TDP1: variants seen among roughly 807,000 people sequenced by gnomAD.
TDP1 encodes the protein tyrosyl-DNA phosphodiesterase 1.
In TDP1, 64 loss-of-function variants were observed where a neutral mutation model predicts 81.5. The observed-to-expected ratio is 0.79, with a 90% CI of 0.64 to 0.97. The LOEUF (loss-of-function observed/expected upper bound fraction) is 0.97. Ranked by LOEUF, TDP1 falls within the 50% of genes least tolerant of loss-of-function variation. The probability of loss-of-function intolerance (pLI) is 0.00; values close to 1 mark genes in which losing one functional copy is unlikely to be tolerated. For missense variants in TDP1, 723 were observed against 743.8 expected (o/e 0.97, Z 0.33); for synonymous variants, 256 against 264.3 (o/e 0.97, Z 0.30).
At chr14:89,986,333 G>T (rs1055588064) in intron 10 of TDP1, among the ~76,000 whole-genome samples, 2 of 152,150 alleles carry the variant, frequency 1.3e-5, no homozygotes, top group African/African-American at 2.4e-5. Flanking sequence ...ACATACATCG[G>T]TTGTCATCTA....
At position 89,971,156 on chromosome 14, in the gene TDP1, A is replaced by G. The variant is rs1893593919; in HGVS notation, c.660-19A>G. On this transcript the variant is annotated intron_variant, in intron 5 of 16. Coordinates refer to ENST00000335725, the MANE Select transcript of TDP1 (RefSeq NM_018319.4). ...TGGCCATGAATGATGTATATTAAAT[A>G]CTAATGCTCTCTTTTTAGGAAGAAG... is the stretch of plus-strand genomic sequence containing the variant. 1 of 1,604,878 alleles carries G rather than the reference A, an allele frequency of 6.2e-7. No homozygotes were observed. The highest frequency in any genetic ancestry group is 8.5e-7 in the Non-Finnish European group (1 of 1,172,180).
chr14:89,987,614 GT>G (rs1895711703), intron 10 of TDP1, among the ~76,000 whole-genome samples: 1 of 152,060 alleles, frequency 6.6e-6, no homozygotes, highest in African/African-American at 2.4e-5. Flanking sequence ...GCAGAACTAG[GT>G]TGTAAAGATG....
At chr14:90,032,402 GGAT>G (rs932649689) in intron 15 of TDP1, among the ~76,000 whole-genome samples, 4 of 152,034 alleles carry the variant, frequency 2.6e-5, no homozygotes, top group South Asian at 2.1e-4. Flanking sequence ...CAGAATGCCA[GGAT>G]GATCCACGAA....
At chr14:89,976,304 G>A (rs544455566) in intron 7 of TDP1, among the ~76,000 whole-genome samples, 1 of 151,768 alleles carries the variant, frequency 6.6e-6, no homozygotes, top group Admixed American at 6.6e-5. Context: ...CTCACTTTGT[G>A]ACCCAGGCTG....
chr14:89,966,894 G>A (rs1893006115), intron 4 of TDP1: 1 of 679,442 alleles, frequency 1.5e-6, no homozygotes, highest in Admixed American at 6.3e-5. Flanking sequence ...GAAGCCTAGT[G>A]AATGTCTGGT....
chr14:90,001,960 G>T (rs1046788940), intron 14 of TDP1, among the ~76,000 whole-genome samples: 1 of 152,034 alleles, frequency 6.6e-6, no homozygotes, highest in Non-Finnish European at 1.5e-5. Context: ...GGTGAGCAAG[G>T]TGCCTGATCT....
rs1399775521 is a variant in TDP1 at position 90,015,939 on chromosome 14, C to T, written c.1542-3377C>T. ...CGGTAATGGTCAACTTGTCTACCCT[C>T]AACCACAATTTCCAGAATTCCCTTT... On this transcript the variant is annotated intron_variant, in intron 14 of 16. Coordinates refer to ENST00000335725, the MANE Select transcript of TDP1 (RefSeq NM_018319.4). Among the ~76,000 whole-genome samples the T allele has an allele frequency of 3.9e-5, 6 of 152,302 alleles. No individual in the cohort carries two copies. In the East Asian group the frequency reaches 9.6e-4, roughly 24 times the overall value.
intron 15 of TDP1, among the ~76,000 whole-genome samples, chr14:90,030,356 C>T (rs1460476542): frequency 6.6e-6 from 1 of 152,206 alleles, no homozygotes; most frequent in Non-Finnish European, 1.5e-5. Context: ...TATCATCTCT[C>T]TGTTTATTAA....
intron 14 of TDP1, among the ~76,000 whole-genome samples, chr14:90,016,932 A>C (rs1205697680): frequency 6.6e-6 from 1 of 152,180 alleles, no homozygotes; most frequent in Admixed American, 6.5e-5. Context: ...TTTAGTGATG[A>C]AGCATCACTC....
chr14:90,019,281 C>G (rs757151054), intron 14 of TDP1, 35 bp from the exon 15 acceptor site: 13 of 1,451,322 alleles, frequency 9.0e-6, no homozygotes, highest in Admixed American at 1.7e-5. Flanking sequence ...AGATGCCTCC[C>G]TGAGTCAGCC....
intron 14 of TDP1, among the ~76,000 whole-genome samples, chr14:89,998,103 A>G (rs1896793911): frequency 1.3e-5 from 2 of 151,960 alleles, no homozygotes; most frequent in South Asian, 4.2e-4. Context: ...GATTTTAGAA[A>G]GATAATATGG....
chr14:89,987,084 C>T (rs1176702997), intron 10 of TDP1: 1 of 152,248 alleles, frequency 6.6e-6, no homozygotes, highest in African/African-American at 2.4e-5. Context: ...TAGACCATCA[C>T]AGCTGCCTGG....
intron 5 of TDP1, among the ~76,000 whole-genome samples, chr14:89,969,876 C>CTTTTTTTTT (rs5810477): frequency 4.9e-5 from 6 of 122,846 alleles, no homozygotes; most frequent in Admixed American, 1.9e-4. Context: ...ATACTTATTT[C>CTTTTTTTTT]TTTTTTTTTT....
chr14:89,976,116 A>C (rs1459656430), intron 7 of TDP1, among the ~76,000 whole-genome samples: 1 of 152,094 alleles, frequency 6.6e-6, no homozygotes, highest in Non-Finnish European at 1.5e-5. Context: ...ATATACACAC[A>C]ATTTTTCAAG....
chr14:89,984,818 A>T (rs557799353), intron 9 of TDP1, 135 bp downstream of exon 9: 1 of 1,574,576 alleles, frequency 6.4e-7, no homozygotes. Flanking sequence ...TGAGGGGATG[A>T]GCAGATTCTA....
intron 3 of TDP1, chr14:89,965,913 T>C: frequency 1.0e-6 from 1 of 975,032 alleles, no homozygotes; most frequent in Non-Finnish European, 1.2e-6. Context: ...ACTGAAGTTG[T>C]AGATTTTGGT....
chr14:89,968,290 A>T (rs1893187820), intron 5 of TDP1, among the ~76,000 whole-genome samples: 1 of 152,006 alleles, frequency 6.6e-6, no homozygotes, highest in African/African-American at 2.4e-5. Context: ...GTAAACATTT[A>T]TGGTCTAGAT....
chr14:89,989,132 T>C (rs1168527614), intron 11 of TDP1, 42 bp downstream of exon 11: 4 of 1,552,448 alleles, frequency 2.6e-6, no homozygotes, highest in Non-Finnish European at 3.5e-6. Flanking sequence ...TTTTATTCTC[T>C]ACACAGGAGA....
At chr14:89,974,096 C>T (rs981899841) in intron 6 of TDP1, among the ~76,000 whole-genome samples, 2 of 152,156 alleles carry the variant, frequency 1.3e-5, no homozygotes, top group African/African-American at 4.8e-5. Flanking sequence ...TGGTGGGGGA[C>T]AGAAGTGTTT....
Sources: gnomAD v4.1 joint callset for allele counts (sites outside exome capture counted in the v4.1 genomes callset) on GRCh38, gnomAD v4.1.1 for gene constraint, MANE v1.5 for transcripts, NCBI Gene and HGNC (gene_info 2026-07-23, HGNC 2026-07-21) for gene names.